THSD7B: variants seen among roughly 807,000 people sequenced by gnomAD.
THSD7B encodes thrombospondin type 1 domain containing 7B.
In THSD7B, 138 loss-of-function variants were observed where a neutral mutation model predicts 213.6. That is an observed-to-expected ratio of 0.65 (90% CI 0.56 to 0.74). The LOEUF is 0.74. Ranked by LOEUF, THSD7B falls within the 30% of genes least tolerant of loss-of-function variation. The probability of loss-of-function intolerance (pLI) is 0.00; values close to 1 mark genes in which losing one functional copy is unlikely to be tolerated. For missense variants in THSD7B, 1,931 were observed against 1,991.5 expected (o/e 0.97, Z 0.58); for synonymous variants, 742 against 687.0 (o/e 1.08, Z -1.25).
intron 20 of THSD7B, among the ~76,000 whole-genome samples, chr2:137,629,294 T>G (rs776678361): frequency 1.6e-4 from 25 of 152,210 alleles, no homozygotes; most frequent in Non-Finnish European, 3.1e-4. Context: ...AGAAATCTGT[T>G]TATTATTATT....
chr2:137,486,231 G>A (rs1044479413), intron 15 of THSD7B, among the ~76,000 whole-genome samples: 9 of 151,982 alleles, frequency 5.9e-5, no homozygotes, highest in African/African-American at 2.2e-4. Flanking sequence ...ACCCATCAGT[G>A]TACTGTATTC....
intron 12 of THSD7B, among the ~76,000 whole-genome samples, chr2:137,332,129 C>G (rs748034593): frequency 6.6e-6 from 1 of 152,036 alleles, no homozygotes; most frequent in Non-Finnish European, 1.5e-5. Context: ...GCACCGAGAG[C>G]GAGCGAGGGC....
chr2:136,889,918 G>A (rs1383726670), intron 2 of THSD7B, among the ~76,000 whole-genome samples: 2 of 152,208 alleles, frequency 1.3e-5, no homozygotes, highest in South Asian at 2.1e-4. Flanking sequence ...CTCTAGTACT[G>A]CTAAAATAGG....
chr2:136,937,280 T>G (rs1684751778), intron 2 of THSD7B, among the ~76,000 whole-genome samples: 1 of 151,868 alleles, frequency 6.6e-6, no homozygotes, highest in Non-Finnish European at 1.5e-5. Flanking sequence ...ATCTCTGTGT[T>G]TTTGCCACAT....
chr2:137,498,128 A>G (rs571820117), intron 15 of THSD7B, among the ~76,000 whole-genome samples: 1 of 152,306 alleles, frequency 6.6e-6, no homozygotes, highest in East Asian at 1.9e-4. Flanking sequence ...AAATTTGGTG[A>G]TTTCTAGTGA....
intron 15 of THSD7B, among the ~76,000 whole-genome samples, chr2:137,556,761 G>T (rs1680979484): frequency 1.3e-5 from 2 of 152,126 alleles, no homozygotes; most frequent in African/African-American, 2.4e-5. Context: ...ATTAGATAGA[G>T]TCAAGACCCA....
chr2:137,324,755 T>C (rs1396604183), intron 12 of THSD7B, among the ~76,000 whole-genome samples: 2 of 152,162 alleles, frequency 1.3e-5, no homozygotes, highest in African/African-American at 2.4e-5. Flanking sequence ...GCTAATCAAA[T>C]CAAGGGTATA....
rs567391989 is a variant in THSD7B, at chr2:137,238,030, A to G, written c.2151-4427A>G. Among the ~76,000 whole-genome samples, 105 of 152,306 alleles carry G rather than the reference A, an allele frequency of 6.9e-4. 1 individual carries two copies. The highest frequency in any genetic ancestry group is 2.5e-3 in the African/African-American group (104 of 41,566). On this transcript the variant is annotated intron_variant, in intron 9 of 27. Transcript: ENST00000409968. ...TCTCTTTCAGACTTAAGAGAAAAAG[A>G]GAGAGAAAGGGCCATATCATGGAGA...
At chr2:137,311,133 A>G (rs1392829680) in intron 12 of THSD7B, among the ~76,000 whole-genome samples, 1 of 151,352 alleles carries the variant, frequency 6.6e-6, no homozygotes, top group Non-Finnish European at 1.5e-5. Flanking sequence ...CTTCCTACCC[A>G]TGAGCATGGA....
chr2:137,071,563 T>G (rs1687489254), intron 3 of THSD7B, among the ~76,000 whole-genome samples: 2 of 152,350 alleles, frequency 1.3e-5, no homozygotes, highest in South Asian at 4.1e-4. Flanking sequence ...TTAGTTTAAT[T>G]AGATCCCATT....
At chr2:137,671,546 CCTT>C (rs1683579117) in intron 27 of THSD7B, among the ~76,000 whole-genome samples, 1 of 152,118 alleles carries the variant, frequency 6.6e-6, no homozygotes, top group Admixed American at 6.6e-5. Context: ...GAAACAGGCA[CCTT>C]CTTCACAGAG....
At chr2:137,531,970 C>T (rs1680407338) in intron 15 of THSD7B, among the ~76,000 whole-genome samples, 1 of 151,830 alleles carries the variant, frequency 6.6e-6, no homozygotes, top group African/African-American at 2.4e-5. Context: ...AGATAATTAG[C>T]CTTCTACAAT....
At chr2:137,582,555 G>A (rs1681605406) in intron 17 of THSD7B, among the ~76,000 whole-genome samples, 1 of 139,766 alleles carries the variant, frequency 7.2e-6, no homozygotes, top group African/African-American at 2.7e-5. Context: ...TGTTCTCATT[G>A]TTCAATTCCC....
intron 14 of THSD7B, among the ~76,000 whole-genome samples, chr2:137,419,377 T>TTTTTTTTTTTTTTTTTTTTTTTTTTTTTA (rs1386654895): frequency 1.3e-5 from 1 of 77,248 alleles, no homozygotes; most frequent in Non-Finnish European, 3.5e-5. Context: ...CCTGAGTTCT[T>TTTTTTTTTTTTTTTTTTTTTTTTTTTTTA]GTCCCACATC....
chr2:137,131,598 G>A (rs1210438026), intron 5 of THSD7B, among the ~76,000 whole-genome samples: 1 of 152,162 alleles, frequency 6.6e-6, no homozygotes, highest in Non-Finnish European at 1.5e-5. Context: ...TTCTACATAT[G>A]GCTAGCCAGT....
intron 1 of THSD7B, among the ~76,000 whole-genome samples, chr2:136,814,410 A>AT (rs1261817485): frequency 6.6e-6 from 1 of 151,338 alleles, no homozygotes; most frequent in African/African-American, 2.4e-5. Context: ...TATTATTATT[A>AT]TTTTTTGAGA....
chr2:137,615,937 T>C (rs533250059), intron 17 of THSD7B, among the ~76,000 whole-genome samples: 2 of 152,276 alleles, frequency 1.3e-5, no homozygotes, highest in Non-Finnish European at 2.9e-5. Flanking sequence ...CTTAATTATA[T>C]ACGGGAGATA....
At chr2:136,786,925 T>C (rs1681864491) in intron 1 of THSD7B, among the ~76,000 whole-genome samples, 1 of 152,100 alleles carries the variant, frequency 6.6e-6, no homozygotes, top group South Asian at 2.1e-4. Flanking sequence ...GCATAGTATA[T>C]TTAAAAAAAG....
intron 15 of THSD7B, among the ~76,000 whole-genome samples, chr2:137,502,324 A>G (rs1679728696): frequency 6.6e-6 from 1 of 152,068 alleles, no homozygotes; most frequent in Non-Finnish European, 1.5e-5. Flanking sequence ...ACACGTATAT[A>G]TGTATGTGTG....
Sources: allele counts gnomAD v4.1 joint callset (sites outside exome capture counted in the v4.1 genomes callset), GRCh38; gene constraint gnomAD v4.1.1; transcripts MANE v1.5; gene names NCBI Gene and HGNC (gene_info 2026-07-23, HGNC 2026-07-21).